Variants in SCUBE2 observed in about 807,000 individuals in gnomAD.
SCUBE2 encodes the protein signal peptide, CUB domain and EGF like domain containing 2.
A neutral mutation model predicts 125.9 loss-of-function variants in SCUBE2; 114 were observed. The observed-to-expected ratio is 0.91, with a 90% CI of 0.78 to 1.06. SCUBE2 has a LOEUF of 1.06. Ranked by LOEUF, SCUBE2 falls within the 50% of genes least tolerant of loss-of-function variation. The pLI is 0.00. For synonymous variants in SCUBE2, 459 were observed against 492.9 expected (o/e 0.93, Z 0.91); for missense variants, 1,255 against 1,301.8 (o/e 0.96, Z 0.55).
At chr11:9,068,183 C>T (rs1308262060) in intron 5 of SCUBE2, among the ~76,000 whole-genome samples, 2 of 152,160 alleles carry the variant, frequency 1.3e-5, no homozygotes, top group African/African-American at 2.4e-5. Flanking sequence ...TCCTACTCAC[C>T]ATAAACCACC....
In SCUBE2 at chr11:9,030,181, T is replaced by C. The variant is rs188123574; in HGVS notation, c.2342-136A>G. ...TAGGGCTTTCCTACCAATCTGGGGC[T>C]AATCAACACTTAATTCCCTAAATAG... On this transcript the variant is annotated intron_variant, in intron 18 of 22. Coordinates refer to ENST00000649792, the MANE Select transcript of SCUBE2 (RefSeq NM_001367977.2). 659 of 919,624 alleles carry C rather than the reference T, an allele frequency of 7.2e-4. 4 individuals carry two copies. In the African/African-American group the frequency reaches 9.6e-3, roughly 13 times the overall value. 57.0% of individuals were successfully genotyped at this position (919,624 alleles called of 1,614,324 possible). A position where few individuals can be genotyped will look rare whatever the true frequency, so the allele number is the denominator to read the frequency against.
At chr11:9,026,100 G>A in intron 20 of SCUBE2, 1 of 404,200 alleles carries the variant, frequency 2.5e-6, no homozygotes, top group Non-Finnish European at 4.5e-6. Flanking sequence ...AGCCCAGGCT[G>A]TACCGTTCAC....
chr11:9,036,268 G>A (rs1376747619), intron 16 of SCUBE2, among the ~76,000 whole-genome samples: 2 of 152,254 alleles, frequency 1.3e-5, no homozygotes, highest in East Asian at 1.9e-4. Context: ...TGAGACTGAT[G>A]GCAAATAGAG....
At chr11:9,037,808 G>A (rs975683914) in intron 16 of SCUBE2, among the ~76,000 whole-genome samples, 1 of 152,236 alleles carries the variant, frequency 6.6e-6, no homozygotes, top group African/African-American at 2.4e-5. Flanking sequence ...AAACATTCCT[G>A]TAGTTGAGGC....
At chr11:9,087,827 G>C (rs1182393107) in intron 2 of SCUBE2, among the ~76,000 whole-genome samples, 1 of 152,194 alleles carries the variant, frequency 6.6e-6, no homozygotes, top group Non-Finnish European at 1.5e-5. Context: ...CTAAGACAAG[G>C]AGATGGGTGG....
At chr11:9,025,431 G>C (rs1330999212) in intron 21 of SCUBE2, 15 of 328,784 alleles carry the variant, frequency 4.6e-5, no homozygotes, top group Non-Finnish European at 8.4e-5. Context: ...AGAAATCATA[G>C]CCAGGCTAAT....
intron 19 of SCUBE2, among the ~76,000 whole-genome samples, chr11:9,028,353 A>G (rs1054737040): frequency 6.6e-6 from 1 of 152,184 alleles, no homozygotes; most frequent in Non-Finnish European, 1.5e-5. Flanking sequence ...ATTTTTAAGG[A>G]AGGAAGAAAA....
At chr11:9,066,587 G>A (rs187220590) in intron 6 of SCUBE2, 110 bp downstream of exon 6, 33 of 884,270 alleles carry the variant, frequency 3.7e-5, no homozygotes, top group Non-Finnish European at 5.1e-5. Context: ...CTGCTGGGGG[G>A]GCAAATGCAC....
At chr11:9,065,324 G>A (rs1860104148) in intron 7 of SCUBE2, among the ~76,000 whole-genome samples, 1 of 152,150 alleles carries the variant, frequency 6.6e-6, no homozygotes, top group East Asian at 1.9e-4. Flanking sequence ...ATGATAGAGT[G>A]AGATCATGAG....
chr11:9,071,603 C>A (rs1252269873), intron 4 of SCUBE2, among the ~76,000 whole-genome samples: 1 of 152,204 alleles, frequency 6.6e-6, no homozygotes, highest in Non-Finnish European at 1.5e-5. Context: ...TTGTCACGTC[C>A]AGGATGGTTC....
intron 21 of SCUBE2, chr11:9,025,492 T>C: frequency 1.9e-6 from 1 of 525,074 alleles, no homozygotes; most frequent in Non-Finnish European, 3.4e-6. Context: ...TGCTCACTTT[T>C]AATATATTTT....
intron 7 of SCUBE2, among the ~76,000 whole-genome samples, chr11:9,063,199 T>C (rs1752227138): frequency 1.3e-5 from 2 of 151,930 alleles, no homozygotes; most frequent in African/African-American, 4.8e-5. Context: ...TGAACCAAGA[T>C]TGCACCACTG....
At chr11:9,025,624 G>C (rs765650134) in intron 21 of SCUBE2, 78 bp downstream of exon 21, 3 of 1,541,300 alleles carry the variant, frequency 1.9e-6, no homozygotes, top group African/African-American at 2.7e-5. Context: ...GTGCTTGTCA[G>C]CAGTTTGCCA....
At chr11:9,029,141 T>C (rs530268103) in intron 19 of SCUBE2, among the ~76,000 whole-genome samples, 27 of 152,298 alleles carry the variant, frequency 1.8e-4, no homozygotes, top group African/African-American at 6.0e-4. Context: ...GAGTTTTTGT[T>C]GTAATTTTGG....
intron 14 of SCUBE2, among the ~76,000 whole-genome samples, chr11:9,048,415 G>T (rs1395768392): frequency 6.6e-6 from 1 of 152,164 alleles, no homozygotes; most frequent in Non-Finnish European, 1.5e-5. Flanking sequence ...CCTTACTGAC[G>T]GTTTGCTAAC....
chr11:9,076,439 A>C (rs538491008), intron 3 of SCUBE2, among the ~76,000 whole-genome samples: 14 of 152,060 alleles, frequency 9.2e-5, no homozygotes, highest in African/African-American at 2.4e-4. Context: ...CTAGATTGCA[A>C]ACTCCTTGAG....
intron 20 of SCUBE2, 33 bp downstream of exon 20, chr11:9,027,331 G>T: frequency 6.2e-7 from 1 of 1,608,064 alleles, no homozygotes. Context: ...TTCCCAGCTG[G>T]CCTGAGAAAG....
In SCUBE2 at chr11:9,089,756, G is replaced by T; in HGVS notation, c.207C>A (p.Tyr69Ter). 1 of 1,614,020 alleles carries T rather than the reference G, an allele frequency of 6.2e-7. No homozygotes were observed. The highest frequency in any genetic ancestry group is 8.5e-7 in the Non-Finnish European group (1 of 1,179,956). ...GGTAGCCAGGCTTGCAGGAGCACTT[G>T]TAGGAGGTGGGTGTGTTCTGACACA... The part of the protein sequence containing the change: ...DALCQNTPTS[Y>*]KCSCKPGYQG... The change falls in exon 2 of 23, where the codon TAC becomes TAA. Residue 69 changes from tyrosine (Y) to a stop codon, truncating the protein, a stop_gained. Transcript: ENST00000649792. LOFTEE classifies it high-confidence loss of function.
chr11:9,045,958 C>T (rs568670615), intron 16 of SCUBE2, among the ~76,000 whole-genome samples: 81 of 151,776 alleles, frequency 5.3e-4, no homozygotes, highest in African/African-American at 1.8e-3. Context: ...CACATTCACA[C>T]ACCACCACAG....
Sources: gnomAD v4.1 joint callset for allele counts (sites outside exome capture counted in the v4.1 genomes callset) on GRCh38, gnomAD v4.1.1 for gene constraint, MANE v1.5 for transcripts, NCBI Gene and HGNC (gene_info 2026-07-23, HGNC 2026-07-21) for gene names.